The following NEGR1 variants were observed in gnomAD, a reference collection of about 807,000 sequenced individuals.
NEGR1 encodes the protein IgLON family member 4.
NEGR1 carries 10 observed loss-of-function variants against 40.9 expected under a neutral mutation model. The observed-to-expected ratio is 0.24, with a 90% CI of 0.15 to 0.42. The LOEUF (loss-of-function observed/expected upper bound fraction) is 0.42, where lower values mean the gene tolerates loss of function less well. NEGR1 is among the 10% of genes least tolerant of loss of function. The pLI, the probability that NEGR1 is intolerant of heterozygous loss-of-function variation, is 1.00. For synonymous variants in NEGR1, 185 were observed against 166.8 expected, an observed-to-expected ratio of 1.11 and a Z score of -0.84; for missense variants, 352 against 438.9, an observed-to-expected ratio of 0.80 and a Z score of 1.77.
intron 3 of NEGR1, among the ~76,000 whole-genome samples, chr1:71,735,859 G>GA (rs1557632906): frequency 1.3e-5 from 2 of 151,492 alleles, no homozygotes; most frequent in Admixed American, 6.6e-5. Context: ...AAAGGAATTT[G>GA]AAAAAAAATT....
intron 6 of NEGR1, among the ~76,000 whole-genome samples, chr1:71,493,271 C>T (rs1225347618): frequency 4.6e-5 from 7 of 152,046 alleles, no homozygotes; most frequent in Admixed American, 2.6e-4. Context: ...AATAGGGAGA[C>T]GTTGACCTCT....
At chr1:71,985,096 G>A (rs1041516830) in intron 1 of NEGR1, among the ~76,000 whole-genome samples, 1 of 152,074 alleles carries the variant, frequency 6.6e-6, no homozygotes, top group African/African-American at 2.4e-5. Flanking sequence ...TTTGTCTCCA[G>A]GATATGGGAT....
intron 3 of NEGR1, among the ~76,000 whole-genome samples, chr1:71,751,768 T>C (rs1655578751): frequency 6.6e-6 from 1 of 152,152 alleles, no homozygotes; most frequent in African/African-American, 2.4e-5. Flanking sequence ...GAGCAGCATT[T>C]TTCCTGAAGG....
chr1:71,707,577 C>T (rs1653944072), intron 3 of NEGR1, among the ~76,000 whole-genome samples: 1 of 152,162 alleles, frequency 6.6e-6, no homozygotes, highest in Admixed American at 6.5e-5. Flanking sequence ...GGGGACTTCA[C>T]CATCCTGAAA....
intron 6 of NEGR1, among the ~76,000 whole-genome samples, chr1:71,454,084 C>T (rs1359903059): frequency 6.6e-6 from 1 of 152,114 alleles, no homozygotes; most frequent in Non-Finnish European, 1.5e-5. Context: ...AATCTTTTTC[C>T]TAGACTTAAT....
At chr1:71,864,104 A>T (rs1660041299) in intron 2 of NEGR1, among the ~76,000 whole-genome samples, 1 of 152,162 alleles carries the variant, frequency 6.6e-6, no homozygotes, top group East Asian at 1.9e-4. Flanking sequence ...CTTAGAGATG[A>T]TGGGAAGTAC....
intron 6 of NEGR1, among the ~76,000 whole-genome samples, chr1:71,486,152 G>A (rs570427704): frequency 6.6e-6 from 1 of 151,778 alleles, no homozygotes; most frequent in South Asian, 2.1e-4. Context: ...TAGTAAGTGT[G>A]TAGTGGTATC....
intron 6 of NEGR1, among the ~76,000 whole-genome samples, chr1:71,481,956 G>A (rs188390182): frequency 8.6e-5 from 13 of 151,336 alleles, no homozygotes; most frequent in African/African-American, 3.2e-4. Context: ...CTGTACTTTA[G>A]TTTTTGGAAA....
chr1:71,944,632 T>G (rs1646000730), intron 1 of NEGR1, among the ~76,000 whole-genome samples: 1 of 152,230 alleles, frequency 6.6e-6, no homozygotes, highest in Admixed American at 6.5e-5. Context: ...AATAATAAAC[T>G]TATGCTACTT....
At chr1:71,781,941 A>C (rs1656731500) in intron 2 of NEGR1, among the ~76,000 whole-genome samples, 1 of 152,198 alleles carries the variant, frequency 6.6e-6, no homozygotes, top group African/African-American at 2.4e-5. Context: ...TCAAAAATTT[A>C]CCACAAAGAA....
chr1:71,440,648 A>G (rs1646541202), intron 6 of NEGR1, among the ~76,000 whole-genome samples: 1 of 152,148 alleles, frequency 6.6e-6, no homozygotes, highest in Admixed American at 6.5e-5. Context: ...CTCAGCTGGG[A>G]GCTTGTTAGA....
intron 6 of NEGR1, among the ~76,000 whole-genome samples, chr1:71,417,686 C>CCAA (rs1646365340): frequency 6.6e-6 from 1 of 152,144 alleles, no homozygotes; most frequent in Non-Finnish European, 1.5e-5. Context: ...TCAGTTTTCT[C>CCAA]AGTTGAACAA....
chr1:72,096,795 G>A (rs2016698), intron 1 of NEGR1, among the ~76,000 whole-genome samples: 34,355 of 151,702 alleles, frequency 0.23, 4,353 homozygotes, highest in Non-Finnish European at 0.29. Flanking sequence ...CGAGTAGCTG[G>A]GACTGCTGGC....
chr1:71,527,378 A>T (rs1647229389), intron 6 of NEGR1, among the ~76,000 whole-genome samples: 1 of 143,436 alleles, frequency 7.0e-6, no homozygotes, highest in South Asian at 2.3e-4. Context: ...TTCATCCACC[A>T]TCCATCCATC....
chr1:71,668,477 T>C (rs1276442701), intron 4 of NEGR1, among the ~76,000 whole-genome samples: 5 of 152,216 alleles, frequency 3.3e-5, no homozygotes, highest in African/African-American at 4.8e-5. Context: ...TTAGGGCTCA[T>C]TGGATAACTA....
intron 1 of NEGR1, among the ~76,000 whole-genome samples, chr1:72,219,783 T>G (rs1232282820): frequency 6.6e-6 from 1 of 152,136 alleles, no homozygotes; most frequent in Non-Finnish European, 1.5e-5. Flanking sequence ...TGGACATAAC[T>G]ATCTTCAATT....
At chr1:72,111,788 C>T (rs1016754630) in intron 1 of NEGR1, among the ~76,000 whole-genome samples, 1 of 151,770 alleles carries the variant, frequency 6.6e-6, no homozygotes, top group East Asian at 1.9e-4. Flanking sequence ...AACTGAGCTT[C>T]TGGGTGTCAT....
intron 1 of NEGR1, among the ~76,000 whole-genome samples, chr1:72,056,977 T>G (rs1647116720): frequency 6.6e-6 from 1 of 151,544 alleles, no homozygotes; most frequent in South Asian, 2.1e-4. Context: ...TTTCCTGCAC[T>G]GATGCAAAGC....
At chr1:71,737,920 C>T (rs1336334207) in intron 3 of NEGR1, among the ~76,000 whole-genome samples, 2 of 152,090 alleles carry the variant, frequency 1.3e-5, no homozygotes, top group Non-Finnish European at 1.5e-5. Context: ...GAATTACAGT[C>T]GGTTTAGGCA....
Sources: allele counts gnomAD v4.1 joint callset (sites outside exome capture counted in the v4.1 genomes callset), GRCh38; gene constraint gnomAD v4.1.1; transcripts MANE v1.5; gene names NCBI Gene and HGNC (gene_info 2026-07-23, HGNC 2026-07-21).